The following KCNIP4 variants were observed in gnomAD, a reference collection of about 807,000 sequenced individuals.
KCNIP4 encodes Kv channel-interacting protein 4.
KCNIP4 carries 12 observed loss-of-function variants against 34.0 expected under a neutral mutation model. That is an observed-to-expected ratio of 0.35 (90% CI 0.23 to 0.57). The LOEUF (loss-of-function observed/expected upper bound fraction) is 0.57, where lower values mean the gene tolerates loss of function less well. KCNIP4 is among the 20% of genes least tolerant of loss of function. The pLI is 0.83. For missense variants in KCNIP4, 238 were observed against 311.7 expected, an observed-to-expected ratio of 0.76 and a Z score of 1.78; for synonymous variants, 124 against 102.2, an observed-to-expected ratio of 1.21 and a Z score of -1.29.
intron 1 of KCNIP4, among the ~76,000 whole-genome samples, chr4:21,519,971 A>G (rs972531940): frequency 6.6e-6 from 1 of 151,528 alleles, no homozygotes; most frequent in African/African-American, 2.4e-5. Flanking sequence ...GCTAAGGAGC[A>G]AGGAAAGCCA....
intron 1 of KCNIP4, among the ~76,000 whole-genome samples, chr4:20,912,302 C>T (rs1454123464): frequency 6.6e-6 from 1 of 152,026 alleles, no homozygotes; most frequent in African/African-American, 2.4e-5. Flanking sequence ...GAGAGCCACA[C>T]ACACAAAAAA....
chr4:21,060,451 A>G (rs1281664363), intron 1 of KCNIP4, among the ~76,000 whole-genome samples: 1 of 152,202 alleles, frequency 6.6e-6, no homozygotes, highest in Non-Finnish European at 1.5e-5. Flanking sequence ...AACAGCTTCA[A>G]TAAGACATAG....
At chr4:21,255,127 T>A (rs1326803350) in intron 1 of KCNIP4, among the ~76,000 whole-genome samples, 1 of 152,082 alleles carries the variant, frequency 6.6e-6, no homozygotes, top group Non-Finnish European at 1.5e-5. Context: ...CACCTCCCTC[T>A]GCCCATTTTG....
intron 1 of KCNIP4, among the ~76,000 whole-genome samples, chr4:21,006,897 A>G (rs1281802681): frequency 6.6e-6 from 1 of 152,154 alleles, no homozygotes; most frequent in Non-Finnish European, 1.5e-5. Context: ...AGCACCTGGA[A>G]ATAATTAAGC....
At chr4:20,791,334 A>T (rs985304108) in intron 3 of KCNIP4, among the ~76,000 whole-genome samples, 1 of 152,102 alleles carries the variant, frequency 6.6e-6, no homozygotes, top group African/African-American at 2.4e-5. Flanking sequence ...TGTCAGTAGA[A>T]GCCTAGTTCT....
chr4:21,638,286 C>A (rs1033377442), intron 1 of KCNIP4, among the ~76,000 whole-genome samples: 1 of 152,094 alleles, frequency 6.6e-6, no homozygotes, highest in African/African-American at 2.4e-5. Flanking sequence ...TGGAGTCAGA[C>A]AATTTAAAGG....
At chr4:21,927,067 T>C (rs1011448635) in intron 1 of KCNIP4, among the ~76,000 whole-genome samples, 2 of 152,210 alleles carry the variant, frequency 1.3e-5, no homozygotes, top group African/African-American at 2.4e-5. Context: ...TTCCAGCTTT[T>C]AAGGCCACCT....
intron 1 of KCNIP4, among the ~76,000 whole-genome samples, chr4:21,756,775 T>C (rs1717558448): frequency 6.6e-6 from 1 of 151,926 alleles, no homozygotes; most frequent in Admixed American, 6.6e-5. Flanking sequence ...CATTTCATGA[T>C]ATTGAAAAGC....
chr4:21,791,832 T>C (rs1030217924), intron 1 of KCNIP4, among the ~76,000 whole-genome samples: 8 of 151,896 alleles, frequency 5.3e-5, no homozygotes, highest in African/African-American at 1.7e-4. Flanking sequence ...TGAAACCCCT[T>C]CTCTACTAAA....
chr4:21,938,145 C>T lies in KCNIP4; in HGVS notation c.61+10426G>A, dbSNP rs558975329. On this transcript the variant is annotated intron_variant, in intron 1 of 8. Transcript: ENST00000382152. ...CCTGAAACATTCAAAATTCACCTGC[C>T]ATCTGTCCCTGAAAAATTCATTCTC... Among the ~76,000 whole-genome samples, 11 of 152,218 alleles carry T rather than the reference C, an allele frequency of 7.2e-5. No individual in the cohort carries two copies. In the East Asian group the frequency reaches 1.4e-3, roughly 19 times the overall value.
chr4:21,256,295 G>A (rs1005722585), intron 1 of KCNIP4, among the ~76,000 whole-genome samples: 2 of 152,112 alleles, frequency 1.3e-5, no homozygotes, highest in Non-Finnish European at 2.9e-5. Context: ...TTTCTGAACA[G>A]TGAAGAGAAA....
chr4:21,303,174 C>T (rs1472510271), intron 1 of KCNIP4, among the ~76,000 whole-genome samples: 1 of 152,142 alleles, frequency 6.6e-6, no homozygotes, highest in Non-Finnish European at 1.5e-5. Flanking sequence ...GGAGAACAAG[C>T]CTCTAATGAA....
intron 1 of KCNIP4, among the ~76,000 whole-genome samples, chr4:21,488,846 T>C (rs1235109599): frequency 6.6e-6 from 1 of 152,062 alleles, no homozygotes; most frequent in African/African-American, 2.4e-5. Flanking sequence ...GGTTGAGATA[T>C]CAGTATCCAG....
intron 1 of KCNIP4, among the ~76,000 whole-genome samples, chr4:21,269,494 C>T (rs1237172474): frequency 6.6e-6 from 1 of 152,082 alleles, no homozygotes; most frequent in Non-Finnish European, 1.5e-5. Context: ...CAGCCTCAAC[C>T]TCCTGGGCTC....
intron 1 of KCNIP4, among the ~76,000 whole-genome samples, chr4:21,475,128 A>T (rs1730841205): frequency 6.6e-6 from 1 of 152,106 alleles, no homozygotes; most frequent in Non-Finnish European, 1.5e-5. Flanking sequence ...CTCTCTCCTA[A>T]CATATTTTTA....
intron 1 of KCNIP4, among the ~76,000 whole-genome samples, chr4:21,326,767 T>C (rs953137071): frequency 6.6e-6 from 1 of 151,858 alleles, no homozygotes; most frequent in Admixed American, 6.6e-5. Flanking sequence ...TTTTCTCTGG[T>C]GGTATGTTTT....
At chr4:21,596,696 G>A (rs548133324) in intron 1 of KCNIP4, among the ~76,000 whole-genome samples, 71 of 152,208 alleles carry the variant, frequency 4.7e-4, no homozygotes, top group Non-Finnish European at 7.4e-4. Flanking sequence ...GAATTACTCC[G>A]TTAGAATAAT....
At chr4:21,795,398 C>T (rs886070549) in intron 1 of KCNIP4, among the ~76,000 whole-genome samples, 1 of 152,182 alleles carries the variant, frequency 6.6e-6, no homozygotes, top group Non-Finnish European at 1.5e-5. Flanking sequence ...TTTGTTATGG[C>T]AGCCCCAGCA....
rs570684762 is a variant in KCNIP4, at chr4:21,152,806, C to T, written c.62-270097G>A. 5.6e-4 allele frequency among the ~76,000 whole-genome samples: 85 copies of T among 152,242 alleles called. 1 individual carries two copies. In the South Asian group the frequency reaches 0.017, roughly 30 times the overall value. ...GCGGCATTAGATTCTCATACAAGAG[C>T]GAAGCCTATTGTGAACTACGCATGC... On this transcript the variant is annotated intron_variant, in intron 1 of 8. Coordinates refer to ENST00000382152, the MANE Select transcript of KCNIP4 (RefSeq NM_025221.6).
Sources: gnomAD v4.1 joint callset for allele counts (sites outside exome capture counted in the v4.1 genomes callset) on GRCh38, gnomAD v4.1.1 for gene constraint, MANE v1.5 for transcripts, NCBI Gene and HGNC (gene_info 2026-07-23, HGNC 2026-07-21) for gene names.